NXPH1: variants seen among roughly 807,000 people sequenced by gnomAD.
NXPH1 encodes the protein neurexophilin 1.
NXPH1 carries 5 observed loss-of-function variants against 23.7 expected under a neutral mutation model. That is an observed-to-expected ratio of 0.21 (90% CI 0.11 to 0.44). The LOEUF (loss-of-function observed/expected upper bound fraction) is 0.44. NXPH1 is among the 20% of genes least tolerant of loss of function. The pLI is 0.99. For missense variants in NXPH1, 324 were observed against 321.6 expected, an observed-to-expected ratio of 1.01 and a Z score of -0.06; for synonymous variants, 144 against 122.2, an observed-to-expected ratio of 1.18 and a Z score of -1.18.
At chr7:8,649,453 T>C (rs1304470877) in intron 2 of NXPH1, among the ~76,000 whole-genome samples, 4 of 152,190 alleles carry the variant, frequency 2.6e-5, no homozygotes, top group Admixed American at 2.6e-4. Context: ...CACCTGCATA[T>C]ACACACACAA....
At chr7:8,575,509 T>C (rs1818736470) in intron 2 of NXPH1, among the ~76,000 whole-genome samples, 1 of 152,184 alleles carries the variant, frequency 6.6e-6, no homozygotes. Flanking sequence ...AGTTGAAGTA[T>C]ATGAAATTAC....
chr7:8,674,243 A>G (rs897520142), intron 2 of NXPH1, among the ~76,000 whole-genome samples: 4 of 152,112 alleles, frequency 2.6e-5, no homozygotes, highest in African/African-American at 9.6e-5. Context: ...TGCAAGGCAG[A>G]TATTAATAGT....
chr7:8,533,709 A>G (rs1407445583), intron 2 of NXPH1, among the ~76,000 whole-genome samples: 1 of 152,134 alleles, frequency 6.6e-6, no homozygotes, highest in East Asian at 1.9e-4. Context: ...TGTAAATAAA[A>G]AGCAAATTAA....
intron 2 of NXPH1, among the ~76,000 whole-genome samples, chr7:8,613,988 T>C (rs975988364): frequency 6.6e-6 from 1 of 151,844 alleles, no homozygotes; most frequent in African/African-American, 2.4e-5. Context: ...GTTCTTATGG[T>C]TTTGTGTCTG....
At chr7:8,716,415 A>G (rs1017006) in intron 2 of NXPH1, among the ~76,000 whole-genome samples, 99,227 of 151,816 alleles carry the variant, frequency 0.65, 33,582 homozygotes, top group African/African-American at 0.83. Context: ...CGGCACCAAT[A>G]TTGTTTGCAT....
chr7:8,512,099 T>C (rs1300775314), intron 2 of NXPH1, among the ~76,000 whole-genome samples: 1 of 152,108 alleles, frequency 6.6e-6, no homozygotes, highest in Non-Finnish European at 1.5e-5. Flanking sequence ...GAGTTGGCTC[T>C]TCTGAAGGAG....
intron 2 of NXPH1, among the ~76,000 whole-genome samples, chr7:8,739,567 C>A (rs570697115): frequency 6.6e-6 from 1 of 152,162 alleles, no homozygotes; most frequent in African/African-American, 2.4e-5. Context: ...TTGCTGGGAG[C>A]TGCAGACTGG....
intron 2 of NXPH1, among the ~76,000 whole-genome samples, chr7:8,640,726 C>A (rs1193507798): frequency 6.6e-6 from 1 of 152,072 alleles, no homozygotes; most frequent in Admixed American, 6.6e-5. Flanking sequence ...GAGGTCAAGG[C>A]AGGAGGACTG....
chr7:8,574,265 T>C (rs779496724), intron 2 of NXPH1, among the ~76,000 whole-genome samples: 1 of 152,186 alleles, frequency 6.6e-6, no homozygotes, highest in Non-Finnish European at 1.5e-5. Flanking sequence ...AAACTGTTTT[T>C]TTAAATTTTC....
chr7:8,744,507 A>G (rs545560918), intron 2 of NXPH1, among the ~76,000 whole-genome samples: 1 of 152,256 alleles, frequency 6.6e-6, no homozygotes, highest in South Asian at 2.1e-4. Context: ...AAGTGCTAAC[A>G]TTTTTAAAGA....
intron 2 of NXPH1, among the ~76,000 whole-genome samples, chr7:8,736,012 G>A (rs186227499): frequency 9.9e-5 from 15 of 152,018 alleles, no homozygotes; most frequent in Admixed American, 5.2e-4. Flanking sequence ...GTGCCTATTC[G>A]ATTCTTCTCT....
intron 2 of NXPH1, among the ~76,000 whole-genome samples, chr7:8,639,458 T>C (rs984245198): frequency 2.7e-5 from 4 of 150,648 alleles, no homozygotes; most frequent in African/African-American, 9.8e-5. Flanking sequence ...ACCATCGGTG[T>C]AAAAGAAAAA....
At chr7:8,457,654 G>A (rs984014829) in intron 2 of NXPH1, among the ~76,000 whole-genome samples, 1 of 150,970 alleles carries the variant, frequency 6.6e-6, no homozygotes, top group Non-Finnish European at 1.5e-5. Context: ...TTCTCCCATT[G>A]TTCATACTTG....
At chr7:8,730,324 C>T (rs1365682891) in intron 2 of NXPH1, among the ~76,000 whole-genome samples, 2 of 148,492 alleles carry the variant, frequency 1.3e-5, no homozygotes, top group African/African-American at 5.0e-5. Flanking sequence ...TTAATTGGAG[C>T]ATTTAGTCCA....
At chr7:8,730,867 C>T (rs888308701) in intron 2 of NXPH1, among the ~76,000 whole-genome samples, 2 of 151,006 alleles carry the variant, frequency 1.3e-5, no homozygotes, top group Non-Finnish European at 2.9e-5. Context: ...CTCTGTATTT[C>T]CTGAATCTGA....
At chr7:8,648,052 A>G (rs1464004958) in intron 2 of NXPH1, among the ~76,000 whole-genome samples, 1 of 152,152 alleles carries the variant, frequency 6.6e-6, no homozygotes, top group Non-Finnish European at 1.5e-5. Flanking sequence ...CTAAGTGTAT[A>G]TATTTATAGG....
At chr7:8,508,828 A>G (rs1817569576) in intron 2 of NXPH1, among the ~76,000 whole-genome samples, 1 of 152,050 alleles carries the variant, frequency 6.6e-6, no homozygotes, top group Non-Finnish European at 1.5e-5. Context: ...TGTGGAAGGA[A>G]GTTAGGGTCT....
intron 2 of NXPH1, among the ~76,000 whole-genome samples, chr7:8,533,086 C>A (rs1817973721): frequency 1.3e-5 from 2 of 152,074 alleles, no homozygotes; most frequent in African/African-American, 2.4e-5. Context: ...GTTGAGAAAA[C>A]AGGCACAGAG....
intron 2 of NXPH1, among the ~76,000 whole-genome samples, chr7:8,728,275 T>G (rs187798583): frequency 1.4e-4 from 22 of 152,318 alleles, no homozygotes; most frequent in Non-Finnish European, 2.9e-4. Context: ...ACAGTCATGT[T>G]GTCTGCAAAC....
Sources: gnomAD v4.1 joint callset for allele counts (sites outside exome capture counted in the v4.1 genomes callset) on GRCh38, gnomAD v4.1.1 for gene constraint, MANE v1.5 for transcripts, NCBI Gene and HGNC (gene_info 2026-07-23, HGNC 2026-07-21) for gene names.